Variants in CTNNA3 observed in about 807,000 individuals in gnomAD.
CTNNA3 encodes catenin alpha 3.
In CTNNA3, 76 loss-of-function variants were observed where a neutral mutation model predicts 95.7. The observed-to-expected ratio is 0.79, with a 90% CI of 0.66 to 0.96. The LOEUF (loss-of-function observed/expected upper bound fraction) is 0.96, where lower values mean the gene tolerates loss of function less well. Among genes scored for constraint, CTNNA3 ranks in the 40% least tolerant of loss-of-function variants. CTNNA3 has a pLI of 0.00. For synonymous variants in CTNNA3, 431 were observed against 374.4 expected, an observed-to-expected ratio of 1.15 and a Z score of -1.74; for missense variants, 1,191 against 1,089.8, an observed-to-expected ratio of 1.09 and a Z score of -1.31.
intron 5 of CTNNA3, among the ~76,000 whole-genome samples, chr10:67,345,688 C>T (rs931359823): frequency 6.6e-6 from 1 of 152,020 alleles, no homozygotes; most frequent in Admixed American, 6.6e-5. Context: ...TATCTTTTCC[C>T]ATCCCTTTAT....
intron 7 of CTNNA3, among the ~76,000 whole-genome samples, chr10:67,164,604 A>G (rs1418696542): frequency 1.3e-5 from 2 of 152,178 alleles, no homozygotes; most frequent in Non-Finnish European, 2.9e-5. Flanking sequence ...TTCATTAGCT[A>G]CAAACTGCAA....
rs185435105 is a variant in CTNNA3 at position 67,432,391 on chromosome 10, G to A, written c.579+89451C>T. Among the ~76,000 whole-genome samples the A allele has an allele frequency of 7.2e-4, 110 of 152,024 alleles. 1 individual carries two copies. Among genetic ancestry groups the A allele is most frequent in the East Asian group, 1.2e-3 (6 of 5,172 alleles). On this transcript the variant is annotated intron_variant, in intron 5 of 17. Coordinates refer to ENST00000433211, the MANE Select transcript of CTNNA3 (RefSeq NM_013266.4). ...TACAACCTTTGTAGCTTAAAACAAC[G>A]TAAATTTATTCTCTCACAGTTTTAG...
intron 12 of CTNNA3, among the ~76,000 whole-genome samples, chr10:66,282,733 T>C (rs2091516344): frequency 6.6e-6 from 1 of 151,868 alleles, no homozygotes; most frequent in Non-Finnish European, 1.5e-5. Flanking sequence ...AGTATTATAG[T>C]ATCTCTCAAA....
At chr10:66,336,227 C>G (rs1223789526) in intron 12 of CTNNA3, among the ~76,000 whole-genome samples, 1 of 152,048 alleles carries the variant, frequency 6.6e-6, no homozygotes, top group Non-Finnish European at 1.5e-5. Context: ...CGGTGCACAG[C>G]ACCCACTGTC....
chr10:66,123,505 T>C (rs1167811928), intron 13 of CTNNA3, among the ~76,000 whole-genome samples: 2 of 152,116 alleles, frequency 1.3e-5, no homozygotes, highest in Admixed American at 1.3e-4. Flanking sequence ...TCTACCATTC[T>C]GGGGTCTGGA....
intron 9 of CTNNA3, among the ~76,000 whole-genome samples, chr10:66,710,897 A>T (rs1177949356): frequency 1.3e-5 from 2 of 152,076 alleles, no homozygotes; most frequent in Non-Finnish European, 2.9e-5. Context: ...GTATGTTGCA[A>T]ATAATACCAC....
chr10:66,633,690 AT>A lies in CTNNA3; in HGVS notation c.1282-11907del, dbSNP rs1372626922. Among the ~76,000 whole-genome samples the A allele has an allele frequency of 2.6e-5, 4 of 152,084 alleles. No individual in the cohort carries two copies. The East Asian group carries it at 7.7e-4, about 29-fold the overall frequency. ...GCAAGACTCCATCTCAAAAAAAAAA[AT>A]TATTTACTTAAAATTATGTATAAAT... is the stretch of plus-strand genomic sequence containing the variant. On this transcript the variant is annotated intron_variant, in intron 9 of 17. Transcript: ENST00000433211.
chr10:67,356,439 G>T (rs184706740), intron 5 of CTNNA3, among the ~76,000 whole-genome samples: 15 of 152,104 alleles, frequency 9.9e-5, no homozygotes, highest in African/African-American at 3.1e-4. Flanking sequence ...ACTGCTACAA[G>T]ATTTTGATTA....
intron 5 of CTNNA3, among the ~76,000 whole-genome samples, chr10:67,232,648 T>A (rs1341546837): frequency 1.3e-5 from 2 of 150,780 alleles, no homozygotes; most frequent in Admixed American, 6.6e-5. Flanking sequence ...AGGATCAAAT[T>A]CACACATAAC....
chr10:66,034,855 A>C (rs1439867346), intron 15 of CTNNA3, among the ~76,000 whole-genome samples: 1 of 152,210 alleles, frequency 6.6e-6, no homozygotes, highest in Non-Finnish European at 1.5e-5. Flanking sequence ...GCAAATCAGT[A>C]AGTGTTGTGC....
At chr10:66,878,955 A>G (rs1258421765) in intron 7 of CTNNA3, among the ~76,000 whole-genome samples, 1 of 152,178 alleles carries the variant, frequency 6.6e-6, no homozygotes, top group Non-Finnish European at 1.5e-5. Context: ...TGAGTGGTAA[A>G]TTAACTATTT....
chr10:67,520,532 T>A (rs1839951054), intron 5 of CTNNA3, among the ~76,000 whole-genome samples: 2 of 152,310 alleles, frequency 1.3e-5, no homozygotes, highest in South Asian at 4.1e-4. Context: ...CTAAGCAGCA[T>A]CCTCTGGGGG....
At chr10:66,799,135 C>T (rs1205998568) in intron 7 of CTNNA3, among the ~76,000 whole-genome samples, 2 of 151,480 alleles carry the variant, frequency 1.3e-5, no homozygotes, top group Non-Finnish European at 3.0e-5. Context: ...GAACAAACCT[C>T]AACACTCCTG....
intron 11 of CTNNA3, among the ~76,000 whole-genome samples, chr10:66,429,991 T>C (rs969970954): frequency 2.7e-5 from 4 of 145,802 alleles, no homozygotes; most frequent in African/African-American, 1.0e-4. Context: ...CATGATTGTA[T>C]ATCTAGAAAA....
chr10:67,060,421 C>CA (rs879824100), intron 7 of CTNNA3, among the ~76,000 whole-genome samples: 1 of 152,198 alleles, frequency 6.6e-6, no homozygotes, highest in Admixed American at 6.5e-5. Flanking sequence ...GAAGCACTTT[C>CA]ATGAAATTTT....
intron 5 of CTNNA3, among the ~76,000 whole-genome samples, chr10:67,232,214 T>C (rs1486712806): frequency 2.6e-5 from 4 of 152,050 alleles, no homozygotes; most frequent in African/African-American, 9.7e-5. Flanking sequence ...AATTGTCAGA[T>C]TCACCAAAGT....
chr10:66,228,111 C>G (rs1190445483), intron 13 of CTNNA3, among the ~76,000 whole-genome samples: 1 of 151,972 alleles, frequency 6.6e-6, no homozygotes, highest in African/African-American at 2.4e-5. Context: ...CTTTCCAAAA[C>G]ACTATCATTA....
intron 7 of CTNNA3, among the ~76,000 whole-genome samples, chr10:66,902,558 C>T (rs1043199810): frequency 3.3e-5 from 5 of 151,576 alleles, no homozygotes; most frequent in African/African-American, 4.8e-5. Flanking sequence ...GATAGAGACA[C>T]AAAAAAACAC....
At chr10:66,836,335 G>A (rs1468087172) in intron 7 of CTNNA3, among the ~76,000 whole-genome samples, 2 of 152,082 alleles carry the variant, frequency 1.3e-5, no homozygotes, top group African/African-American at 4.8e-5. Flanking sequence ...TCAAACAGAT[G>A]CCCCATCTTA....
Sources: gnomAD v4.1 joint callset for allele counts (sites outside exome capture counted in the v4.1 genomes callset) on GRCh38, gnomAD v4.1.1 for gene constraint, MANE v1.5 for transcripts, NCBI Gene and HGNC (gene_info 2026-07-23, HGNC 2026-07-21) for gene names.